The following NPAS2 variants were observed in gnomAD, a reference collection of about 807,000 sequenced individuals.
NPAS2 encodes neuronal PAS domain-containing protein 2.
Under a neutral mutation model 107.5 loss-of-function variants are expected in NPAS2, and 23 were observed. The ratio of observed to expected loss-of-function variants is 0.21; its 90% CI spans 0.15 to 0.30. NPAS2 has a LOEUF of 0.30. Among genes scored for constraint, NPAS2 ranks in the 10% least tolerant of loss-of-function variants. The probability of loss-of-function intolerance (pLI) is 1.00; values close to 1 mark genes in which losing one functional copy is unlikely to be tolerated. For synonymous variants in NPAS2, 403 were observed against 417.5 expected (o/e 0.97, Z 0.42); for missense variants, 756 against 1,043.3 (o/e 0.72, Z 3.79).
chr2:100,991,689 T>G (rs1321054541), intron 19 of NPAS2, among the ~76,000 whole-genome samples: 2 of 152,246 alleles, frequency 1.3e-5, no homozygotes, highest in Non-Finnish European at 2.9e-5. Context: ...ATGTTCATTA[T>G]TTAATTTTAT....
chr2:100,904,038 T>C (rs541259118), intron 1 of NPAS2, among the ~76,000 whole-genome samples: 1 of 152,296 alleles, frequency 6.6e-6, no homozygotes, highest in South Asian at 2.1e-4. Context: ...TCTGTGCACC[T>C]TCGCTGTCTC....
chr2:100,948,127 C>A (rs941607745), intron 5 of NPAS2, 108 bp from the exon 6 acceptor site: 3 of 1,260,706 alleles, frequency 2.4e-6, no homozygotes, highest in African/African-American at 1.5e-5. Flanking sequence ...ATTGAACTTT[C>A]CATTTCAGAA....
chr2:100,831,223 G>C (rs1469513412), intron 1 of NPAS2, among the ~76,000 whole-genome samples: 2 of 152,170 alleles, frequency 1.3e-5, no homozygotes, highest in Non-Finnish European at 2.9e-5. Flanking sequence ...TTGAACCCAG[G>C]AGGCGGAGGT....
At chr2:100,987,800 C>G (rs770889041) in intron 16 of NPAS2, 4 of 471,054 alleles carry the variant, frequency 8.5e-6, no homozygotes, top group Non-Finnish European at 1.5e-5. Flanking sequence ...TAGAGAACAT[C>G]TGGGTCTAAA....
intron 1 of NPAS2, among the ~76,000 whole-genome samples, chr2:100,873,431 T>C (rs1246993365): frequency 2.7e-5 from 4 of 149,552 alleles, no homozygotes; most frequent in Admixed American, 1.3e-4. Flanking sequence ...CTTAAGAAAT[T>C]TGCAGTATGA....
chr2:100,935,168 A>T, intron 4 of NPAS2: 1 of 894,708 alleles, frequency 1.1e-6, no homozygotes, highest in Non-Finnish European at 1.3e-6. Flanking sequence ...GGCTACCAGC[A>T]TTGGAGCAGT....
intron 3 of NPAS2, 99 bp from the exon 4 acceptor site, chr2:100,932,811 G>A (rs920569499): frequency 7.1e-6 from 6 of 843,466 alleles, no homozygotes; most frequent in Non-Finnish European, 1.2e-5. Flanking sequence ...CTACACAGAA[G>A]TTTACACAAA....
rs764993831 is a variant in NPAS2 at position 100,990,362 on chromosome 2, T to C, written c.1934T>C (p.Leu645Pro). 6.2e-7 allele frequency: 1 copy of C among 1,614,210 alleles called. No individual in the cohort carries two copies. Among genetic ancestry groups the C allele is most frequent in the Non-Finnish European group, 8.5e-7 (1 of 1,180,030 alleles). ...GCCACAGCTGCGCTCCCGCCAAGTC[T>C]GAATCTGACCACACCTGCTTCCACC... is the stretch of plus-strand genomic sequence containing the variant. ...SSATAALPPS[L>P]NLTTPASTSQ... is the part of the protein sequence containing the mutation. Residue 645 changes from leucine to proline, a missense_variant, in exon 18 of 21, where the codon CTG (leucine) becomes CCG (proline). Coordinates refer to ENST00000335681, the MANE Select transcript of NPAS2 (RefSeq NM_002518.4).
intron 1 of NPAS2, among the ~76,000 whole-genome samples, chr2:100,843,231 A>T (rs749097400): frequency 4.0e-4 from 61 of 150,952 alleles, no homozygotes; most frequent in Admixed American, 6.6e-4. Flanking sequence ...AAAAAAAAAA[A>T]TGCTGGCATC....
intron 7 of NPAS2, among the ~76,000 whole-genome samples, chr2:100,953,382 A>C (rs1023991303): frequency 6.6e-5 from 10 of 151,710 alleles, no homozygotes; most frequent in African/African-American, 2.4e-4. Flanking sequence ...TCATAAAAAA[A>C]AAAAAAAACA....
intron 7 of NPAS2, among the ~76,000 whole-genome samples, chr2:100,962,428 A>G (rs1201258681): frequency 6.6e-5 from 10 of 152,214 alleles, no homozygotes; most frequent in African/African-American, 2.2e-4. Flanking sequence ...GGAGAACATC[A>G]TGATATTCCA....
At chr2:100,822,384 A>G (rs1192075700) in intron 1 of NPAS2, among the ~76,000 whole-genome samples, 2 of 152,208 alleles carry the variant, frequency 1.3e-5, no homozygotes, top group African/African-American at 4.8e-5. Flanking sequence ...GGCCCTTTAA[A>G]AAAATTTCTG....
At chr2:100,918,853 A>G (rs1413527094) in intron 2 of NPAS2, among the ~76,000 whole-genome samples, 1 of 152,234 alleles carries the variant, frequency 6.6e-6, no homozygotes, top group Non-Finnish European at 1.5e-5. Flanking sequence ...TCTTATAAAC[A>G]TATAGTTTCC....
At chr2:100,971,764 T>C (rs1676581516) in intron 12 of NPAS2, among the ~76,000 whole-genome samples, 1 of 151,848 alleles carries the variant, frequency 6.6e-6, no homozygotes, top group African/African-American at 2.4e-5. Flanking sequence ...TCCTGGTCCA[T>C]CACACAGCTT....
chr2:100,907,136 C>T (rs1430900423), intron 2 of NPAS2, among the ~76,000 whole-genome samples: 3 of 152,156 alleles, frequency 2.0e-5, no homozygotes, highest in Non-Finnish European at 2.9e-5. Flanking sequence ...CCCTGCCTCT[C>T]TCCTGCACCG....
At chr2:100,863,700 C>T (rs1376569662) in intron 1 of NPAS2, among the ~76,000 whole-genome samples, 1 of 152,146 alleles carries the variant, frequency 6.6e-6, no homozygotes, top group African/African-American at 2.4e-5. Flanking sequence ...ACCATTTTCA[C>T]GCAATGGTGA....
chr2:100,851,291 G>A (rs2104473591), intron 1 of NPAS2, among the ~76,000 whole-genome samples: 1 of 152,348 alleles, frequency 6.6e-6, no homozygotes, highest in Middle Eastern at 3.4e-3. Context: ...TAAATTCTGT[G>A]TTATATGTCT....
intron 1 of NPAS2, among the ~76,000 whole-genome samples, chr2:100,904,041 G>C (rs749538968): frequency 6.6e-6 from 1 of 152,132 alleles, no homozygotes; most frequent in African/African-American, 2.4e-5. Context: ...GTGCACCTTC[G>C]CTGTCTCAAG....
intron 5 of NPAS2, among the ~76,000 whole-genome samples, chr2:100,939,982 G>A (rs568176108): frequency 6.6e-6 from 1 of 152,338 alleles, no homozygotes; most frequent in South Asian, 2.1e-4. Flanking sequence ...CATACAGTGA[G>A]TCAGCCCTCA....
Sources: allele counts gnomAD v4.1 joint callset (sites outside exome capture counted in the v4.1 genomes callset), GRCh38; gene constraint gnomAD v4.1.1; transcripts MANE v1.5; gene names NCBI Gene and HGNC (gene_info 2026-07-23, HGNC 2026-07-21).